POSTN: variants seen among roughly 807,000 people sequenced by gnomAD.
POSTN encodes osteoblast specific factor 2 (fasciclin I-like).
In POSTN, 71 loss-of-function variants were observed where a neutral mutation model predicts 104.5. That is an observed-to-expected ratio of 0.68 (90% CI 0.56 to 0.83). The LOEUF (loss-of-function observed/expected upper bound fraction) is 0.83. Ranked by LOEUF, POSTN falls within the 40% of genes least tolerant of loss-of-function variation. The pLI, the probability that POSTN is intolerant of heterozygous loss-of-function variation, is 0.00. For missense variants in POSTN, 949 were observed against 1,006.8 expected (o/e 0.94, Z 0.78); for synonymous variants, 355 against 340.7 (o/e 1.04, Z -0.46).
intron 1 of POSTN, 132 bp downstream of exon 1, chr13:37,598,476 T>C (rs1489431106): frequency 9.1e-6 from 7 of 769,482 alleles, no homozygotes; most frequent in African/African-American, 3.5e-5. Flanking sequence ...ACATTTTCCT[T>C]TTTTTCCTAT....
In POSTN at chr13:37,569,832, G is replaced by C; in HGVS notation, c.2270-11C>G. The stretch of plus-strand genomic sequence containing the variant: ...ATTTTATTTCAGGACCTATGAGAAG[G>C]ACAATGAAAAAGGTCTAAAACAGAA... On this transcript the variant is annotated splice_polypyrimidine_tract_variant and intron_variant, in intron 19 of 22. Transcript: ENST00000379747. The C allele has an allele frequency of 6.4e-7, 1 of 1,574,504 alleles. No individual in the cohort carries two copies. The highest frequency in any genetic ancestry group is 1.7e-5 in the Admixed American group (1 of 57,920).
chr13:37,590,377 C>A lies in POSTN; in HGVS notation c.436G>T (p.Asp146Tyr). The A allele has an allele frequency of 6.4e-7, 1 of 1,551,358 alleles. No individual in the cohort carries two copies. The highest frequency in any genetic ancestry group is 2.0e-5 in the Admixed American group (1 of 50,546). ...TGATAAAAATAATGAATTACAGAATCCAAGTTGTCCCAAGCCTCATTACTC... is the reference window on the plus strand; with the variant it reads ...TGATAAAAATAATGAATTACAGAATACAAGTTGTCCCAAGCCTCATTACTC... The part of the protein sequence containing the change: ...APSNEAWDNL[D>Y]SDIRRGLESN... Residue 146 changes from aspartate to tyrosine, a missense_variant, in exon 4 of 23, where the codon GAT (aspartate) becomes TAT (tyrosine). Asp to Tyr is a radical substitution (Grantham distance 160). Transcript: ENST00000379747.
rs71093694 is a variant in POSTN, at chr13:37,567,235, C to CAAAA, written c.2431+2061_2431+2064dup. On this transcript the variant is annotated intron_variant, in intron 21 of 22. Coordinates refer to ENST00000379747, the MANE Select transcript of POSTN (RefSeq NM_006475.3). ...TGGGCGACAGAGCGAGACTCCGTCT[C>CAAAA]AAAAAAAAAAAAAAAAAATGTACTA... is the stretch of plus-strand genomic sequence containing the variant. 3.2e-3 allele frequency among the ~76,000 whole-genome samples: 119 copies of CAAAA among 36,926 alleles called. 10 individuals carry two copies. In the South Asian group the frequency reaches 0.034, roughly 11 times the overall value. 24.2% of individuals were successfully genotyped at this position (36,926 alleles called of 152,430 possible).
At chr13:37,597,646 T>C (rs1404252412) in intron 1 of POSTN, among the ~76,000 whole-genome samples, 1 of 152,128 alleles carries the variant, frequency 6.6e-6, no homozygotes, top group Non-Finnish European at 1.5e-5. Context: ...CATGTGCTCA[T>C]TTGGAGGATG....
At chr13:37,572,934 A>G (rs73452553) in intron 17 of POSTN, among the ~76,000 whole-genome samples, 20,606 of 151,474 alleles carry the variant, frequency 0.14, 2,240 homozygotes, top group African/African-American at 0.29. Context: ...CAGGAGTGTA[A>G]TTTCTGAACT....
At chr13:37,587,376 T>G (rs1458945961) in intron 5 of POSTN, among the ~76,000 whole-genome samples, 1 of 152,202 alleles carries the variant, frequency 6.6e-6, no homozygotes, top group African/African-American at 2.4e-5. Context: ...TTCATTGACC[T>G]CTTTCGTCCC....
intron 16 of POSTN, among the ~76,000 whole-genome samples, chr13:37,576,372 T>C (rs1950408877): frequency 6.6e-6 from 1 of 152,132 alleles, no homozygotes; most frequent in South Asian, 2.1e-4. Flanking sequence ...CATTGGAATG[T>C]AAATGTTAGA....
rs771363938 is a variant in POSTN at position 37,577,777 on chromosome 13, T to C, written c.1984A>G (p.Lys662Glu). 4.3e-6 allele frequency: 7 copies of C among 1,613,760 alleles called. No individual in the cohort carries two copies. The highest frequency in any genetic ancestry group is 5.1e-6 in the Non-Finnish European group (6 of 1,179,774). The change falls in exon 16 of 23, where the codon AAA becomes GAA. Residue 662 changes from lysine to glutamate, a missense_variant. Coordinates refer to ENST00000379747, the MANE Select transcript of POSTN (RefSeq NM_006475.3). ...CTATAGACAGTCACGGGGATTTCTT[T>C]GAAGGTGCTACCACGAACAAACTGA... ...QIKFVRGSTF[K>E]EIPVTVYTTK...
chr13:37,576,658 T>A (rs1301658948), intron 16 of POSTN, among the ~76,000 whole-genome samples: 1 of 152,108 alleles, frequency 6.6e-6, no homozygotes, highest in African/African-American at 2.4e-5. Flanking sequence ...TGACATAACA[T>A]GTCTGATGAA....
intron 4 of POSTN, 149 bp downstream of exon 4, chr13:37,590,223 T>A: frequency 1.9e-6 from 1 of 529,596 alleles, no homozygotes; most frequent in Non-Finnish European, 3.1e-6. Context: ...GATATTTTAC[T>A]TCCCTTAATA....
intron 2 of POSTN, among the ~76,000 whole-genome samples, chr13:37,592,951 T>C (rs1380892156): frequency 6.6e-6 from 1 of 152,100 alleles, no homozygotes; most frequent in African/African-American, 2.4e-5. Flanking sequence ...ATCTCATTGC[T>C]AGATAAAATA....
At position 37,587,963 on chromosome 13, in the gene POSTN, G is replaced by T. The variant is rs1950799803; in HGVS notation, c.465C>A (p.Ser155Arg). 2 of 1,603,136 alleles carry T rather than the reference G, an allele frequency of 1.2e-6. No homozygotes were observed. The highest frequency in any genetic ancestry group is 1.7e-6 in the Non-Finnish European group (2 of 1,171,746). Residue 155 changes from serine (S) to arginine (R), a missense_variant, in exon 5 of 23, where the codon AGC becomes AGA. Transcript: ENST00000379747. ...CATTCAGTAATTCAACATTCACGTT[G>T]CTCTCCAAACCTCTACGGATATCCT... ...LDSDIRRGLE[S>R]NVNVELLNAL...
intron 16 of POSTN, among the ~76,000 whole-genome samples, chr13:37,574,889 C>A (rs1950361964): frequency 6.6e-6 from 1 of 151,824 alleles, no homozygotes; most frequent in South Asian, 2.1e-4. Context: ...AATATATACT[C>A]ACAAAGTGAG....
intron 3 of POSTN, among the ~76,000 whole-genome samples, chr13:37,590,785 A>G (rs926995399): frequency 9.2e-5 from 14 of 152,154 alleles, no homozygotes; most frequent in Admixed American, 3.9e-4. Context: ...TTAACATTTA[A>G]CCTATTTAGA....
At chr13:37,565,681 A>G (rs1950077607) in intron 21 of POSTN, among the ~76,000 whole-genome samples, 1 of 152,104 alleles carries the variant, frequency 6.6e-6, no homozygotes, top group Non-Finnish European at 1.5e-5. Context: ...CATTTATAAA[A>G]CCACATTAAT....
chr13:37,588,551 A>G (rs1185408494), intron 4 of POSTN, among the ~76,000 whole-genome samples: 1 of 152,142 alleles, frequency 6.6e-6, no homozygotes, highest in Non-Finnish European at 1.5e-5. Context: ...TAGACAGAGT[A>G]AGATATAGGA....
At chr13:37,574,276 A>C (rs1024124012) in intron 17 of POSTN, among the ~76,000 whole-genome samples, 1 of 151,718 alleles carries the variant, frequency 6.6e-6, no homozygotes, top group African/African-American at 2.4e-5. Context: ...TAAAGTAAAA[A>C]AAACTCATGT....
chr13:37,566,295 G>T (rs1413147651), intron 21 of POSTN, among the ~76,000 whole-genome samples: 1 of 152,098 alleles, frequency 6.6e-6, no homozygotes, highest in Non-Finnish European at 1.5e-5. Flanking sequence ...ATTTCCTAAA[G>T]CATGCAAAGT....
At chr13:37,570,904 A>T in intron 18 of POSTN, 1 of 443,328 alleles carries the variant, frequency 2.3e-6, no homozygotes, top group Non-Finnish European at 4.1e-6. Flanking sequence ...CTAACTCTCC[A>T]TGTCATACTT....
Sources: allele counts gnomAD v4.1 joint callset (sites outside exome capture counted in the v4.1 genomes callset), GRCh38; gene constraint gnomAD v4.1.1; transcripts MANE v1.5; gene names NCBI Gene and HGNC (gene_info 2026-07-23, HGNC 2026-07-21).